Variants in ACYP2 observed in about 807,000 individuals in gnomAD.
ACYP2 encodes the protein acylphosphatase 2.
A neutral mutation model predicts 11.2 loss-of-function variants in ACYP2; 12 were observed. That is an observed-to-expected ratio of 1.08 (90% CI 0.69 to 1.74). ACYP2 has a LOEUF of 1.74. Among genes scored for constraint, ACYP2 ranks in the 40% most tolerant of loss-of-function variants. The pLI is 0.00. For missense variants in ACYP2, 134 were observed against 101.9 expected (o/e 1.31, Z -1.35); for synonymous variants, 43 against 32.2 (o/e 1.33, Z -1.13).
chr2:53,990,449 G>A (rs533551931), intron 2 of ACYP2, among the ~76,000 whole-genome samples: 1 of 151,870 alleles, frequency 6.6e-6, no homozygotes, highest in South Asian at 2.1e-4. Context: ...AGGAATTTGA[G>A]ACCAGCCTGG....
intron 3 of ACYP2, among the ~76,000 whole-genome samples, chr2:54,055,634 A>T (rs979582305): frequency 6.6e-6 from 1 of 152,166 alleles, no homozygotes; most frequent in Non-Finnish European, 1.5e-5. Flanking sequence ...GATGGTGGAG[A>T]TTGAATTTCA....
At chr2:54,084,296 T>C (rs1040816874) in intron 4 of ACYP2, among the ~76,000 whole-genome samples, 5 of 152,184 alleles carry the variant, frequency 3.3e-5, no homozygotes, top group Non-Finnish European at 5.9e-5. Context: ...CTTTTTTTCT[T>C]TCTTTCTTTC....
At chr2:54,220,009 G>A (rs1685737337) in intron 6 of ACYP2, among the ~76,000 whole-genome samples, 2 of 149,782 alleles carry the variant, frequency 1.3e-5, no homozygotes, top group Admixed American at 1.3e-4. Flanking sequence ...CCCAAAGTGC[G>A]GGATTACAGG....
intron 2 of ACYP2, among the ~76,000 whole-genome samples, chr2:53,987,040 A>G (rs1672070830): frequency 2.0e-5 from 3 of 152,230 alleles, no homozygotes; most frequent in Non-Finnish European, 2.9e-5. Flanking sequence ...ATGCAACAAT[A>G]TGGATGAATC....
At chr2:54,249,940 CAA>C (rs1015312135) in intron 6 of ACYP2, among the ~76,000 whole-genome samples, 3,035 of 44,244 alleles carry the variant, frequency 0.069, 71 homozygotes, top group African/African-American at 0.17. Flanking sequence ...GACCCTGTCT[CAA>C]AAAAAAAAAA....
Position 54,267,839 on chromosome 2 carries a change from A to C in ACYP2, c.405-36849A>C, listed in dbSNP as rs934673996. On this transcript the variant is annotated intron_variant, in intron 6 of 6. Coordinates refer to ENST00000607452, the MANE Select transcript of ACYP2 (RefSeq NM_001320586.2). The stretch of plus-strand genomic sequence containing the variant: ...TTCTGCAGCTGGGAAAAAGGTTCAG[A>C]GCTATCTTCCTAGAATCGGCTCTTG... Among the ~76,000 whole-genome samples the C allele has an allele frequency of 2.0e-5, 3 of 152,302 alleles. No individual in the cohort carries two copies. In the East Asian group the frequency reaches 5.8e-4, roughly 29 times the overall value.
At chr2:54,008,885 G>T (rs777912128) in intron 2 of ACYP2, among the ~76,000 whole-genome samples, 5 of 152,214 alleles carry the variant, frequency 3.3e-5, no homozygotes, top group Non-Finnish European at 7.3e-5. Context: ...GGGCATGGTG[G>T]CTCATGCCTG....
intron 2 of ACYP2, among the ~76,000 whole-genome samples, chr2:54,000,744 T>C (rs1672759400): frequency 6.6e-6 from 1 of 152,220 alleles, no homozygotes; most frequent in South Asian, 2.1e-4. Flanking sequence ...TGAAAATTTC[T>C]GCCCATAAGT....
At chr2:54,014,755 T>TTTTA (rs935146628) in intron 2 of ACYP2, among the ~76,000 whole-genome samples, 1 of 152,074 alleles carries the variant, frequency 6.6e-6, no homozygotes, top group African/African-American at 2.4e-5. Context: ...TTTTGTTTCT[T>TTTTA]TTTATTTATT....
rs565479844 is a variant in ACYP2, at chr2:54,259,742, A to C, written c.405-44946A>C. Among the ~76,000 whole-genome samples the C allele has an allele frequency of 3.3e-5, 5 of 152,344 alleles. No individual in the cohort carries two copies. In the South Asian group the frequency reaches 1.0e-3, roughly 32 times the overall value. On this transcript the variant is annotated intron_variant, in intron 6 of 6. Transcript: ENST00000607452. ...TTCTTTTGAGGAATTTTTCTCCAAA[A>C]AGAAACAAAGAAATGGGATCATGAC...
intron 6 of ACYP2, among the ~76,000 whole-genome samples, chr2:54,147,312 A>G (rs1347077134): frequency 6.6e-6 from 1 of 152,102 alleles, no homozygotes; most frequent in Non-Finnish European, 1.5e-5. Context: ...GGCTTGAGGA[A>G]TGGTGGTGAC....
chr2:54,021,191 C>G (rs1451884073), intron 2 of ACYP2, among the ~76,000 whole-genome samples: 1 of 151,988 alleles, frequency 6.6e-6, no homozygotes. Flanking sequence ...TAGTTTGGCA[C>G]GAAGGGTGGT....
At chr2:54,140,674 TC>T (rs1344479596) in intron 6 of ACYP2, among the ~76,000 whole-genome samples, 1 of 152,178 alleles carries the variant, frequency 6.6e-6, no homozygotes, top group Non-Finnish European at 1.5e-5. Flanking sequence ...TCCTTTCAAG[TC>T]GAATGGTAAT....
intron 6 of ACYP2, chr2:54,142,675 A>T (rs1233180058): frequency 1.3e-5 from 2 of 152,136 alleles, no homozygotes; most frequent in Non-Finnish European, 2.9e-5. Context: ...ATGAGATGAG[A>T]TTGCACCACC....
chr2:54,302,483 T>C (rs1372818676), intron 6 of ACYP2, among the ~76,000 whole-genome samples: 1 of 152,174 alleles, frequency 6.6e-6, no homozygotes, highest in Admixed American at 6.5e-5. Flanking sequence ...GCACTTCACA[T>C]TGGAGAACCC....
At chr2:54,249,165 C>G (rs554814955) in intron 6 of ACYP2, among the ~76,000 whole-genome samples, 1 of 151,722 alleles carries the variant, frequency 6.6e-6, no homozygotes, top group Non-Finnish European at 1.5e-5. Flanking sequence ...ATTACTTTGT[C>G]AATAGTGTAA....
intron 6 of ACYP2, among the ~76,000 whole-genome samples, chr2:54,165,531 TCTCTCACA>T (rs1283613365): frequency 0.011 from 1,357 of 119,600 alleles, 25 homozygotes; most frequent in African/African-American, 0.036. Context: ...TCTCTCTCTC[TCTCTCACA>T]CACACACACA....
intron 4 of ACYP2, among the ~76,000 whole-genome samples, chr2:54,062,702 A>G (rs1044701677): frequency 2.0e-5 from 3 of 152,232 alleles, no homozygotes; most frequent in African/African-American, 7.2e-5. Context: ...TTCTACATGT[A>G]TACCATAGAA....
At chr2:54,175,194 G>T (rs1683405317) in intron 6 of ACYP2, among the ~76,000 whole-genome samples, 1 of 152,096 alleles carries the variant, frequency 6.6e-6, no homozygotes, top group African/African-American at 2.4e-5. Context: ...ATGAATTATT[G>T]CTTCAATTTC....
Sources: gnomAD v4.1 joint callset for allele counts (sites outside exome capture counted in the v4.1 genomes callset) on GRCh38, gnomAD v4.1.1 for gene constraint, MANE v1.5 for transcripts, NCBI Gene and HGNC (gene_info 2026-07-23, HGNC 2026-07-21) for gene names.